The following NFE2L3 variants were observed in gnomAD, a reference collection of about 807,000 sequenced individuals.
NFE2L3 encodes the protein nuclear factor erythroid 2-related factor 3.
In NFE2L3, 18 loss-of-function variants were observed where a neutral mutation model predicts 23.5. The ratio of observed to expected loss-of-function variants is 0.77; its 90% CI spans 0.53 to 1.13. The LOEUF is 1.13. NFE2L3 is among the 50% of genes most tolerant of loss of function. The pLI is 0.00. For synonymous variants in NFE2L3, 424 were observed against 354.5 expected, an observed-to-expected ratio of 1.20 and a Z score of -2.20; for missense variants, 1,152 against 877.2, an observed-to-expected ratio of 1.31 and a Z score of -3.96.
intron 1 of NFE2L3, chr7:26,173,792 T>C (rs1784359482): frequency 6.6e-6 from 1 of 152,192 alleles, no homozygotes; most frequent in South Asian, 2.1e-4. Flanking sequence ...GAATCTGGGT[T>C]ACGAAGTGGC....
intron 1 of NFE2L3, among the ~76,000 whole-genome samples, chr7:26,176,527 G>C (rs1288201903): frequency 8.2e-6 from 1 of 121,326 alleles, no homozygotes; most frequent in Non-Finnish European, 1.7e-5. Context: ...GGGCAGAGGC[G>C]CTCCTCACAT....
At chr7:26,155,313 A>G (rs532715808) in intron 1 of NFE2L3, among the ~76,000 whole-genome samples, 2 of 152,220 alleles carry the variant, frequency 1.3e-5, no homozygotes, top group African/African-American at 2.4e-5. Context: ...GTGATTACAC[A>G]TGCCCGTAGT....
At position 26,176,433 on chromosome 7, in the gene NFE2L3, C is replaced by T. The variant is rs545218180; in HGVS notation, c.571-1510C>T. On this transcript the variant is annotated intron_variant, in intron 1 of 3. Coordinates refer to ENST00000056233, the MANE Select transcript of NFE2L3 (RefSeq NM_004289.7). ...GTCACTTCACACTTGGAAGATTGCA[C>T]AGCAGCCAGGCAGAGGCGCTCCTCA... is the stretch of plus-strand genomic sequence containing the variant. Among the ~76,000 whole-genome samples, 10 of 152,338 alleles carry T rather than the reference C, an allele frequency of 6.6e-5. 1 individual carries two copies. In the South Asian group the frequency reaches 2.1e-3, roughly 32 times the overall value.
intron 1 of NFE2L3, among the ~76,000 whole-genome samples, chr7:26,165,715 T>A (rs1784238939): frequency 6.6e-6 from 1 of 152,326 alleles, no homozygotes; most frequent in Non-Finnish European, 1.5e-5. Context: ...AGGGCATCCC[T>A]GTCTTGTGCC....
intron 1 of NFE2L3, among the ~76,000 whole-genome samples, chr7:26,153,539 G>T (rs143436717): frequency 6.6e-6 from 1 of 152,288 alleles, no homozygotes; most frequent in East Asian, 1.9e-4. Context: ...CAGCCCAATT[G>T]CTGTTCGTTT....
chr7:26,161,335 C>CTTTTTTTTT (rs914055111), intron 1 of NFE2L3, among the ~76,000 whole-genome samples: 6 of 69,576 alleles, frequency 8.6e-5, no homozygotes, highest in Admixed American at 2.1e-4. Context: ...GCTTCTCTCT[C>CTTTTTTTTT]TTTTTTTTTT....
chr7:26,183,881 T>A, intron 3 of NFE2L3, 97 bp downstream of exon 3: 2 of 788,372 alleles, frequency 2.5e-6, no homozygotes, highest in Non-Finnish European at 2.2e-6. Context: ...CACAGCAGTT[T>A]AAAGTAATGC....
chr7:26,162,057 C>T (rs1021284220), intron 1 of NFE2L3, among the ~76,000 whole-genome samples: 8 of 151,506 alleles, frequency 5.3e-5, no homozygotes, highest in Admixed American at 2.6e-4. Context: ...GCACGAGAAT[C>T]GCTTGAACCC....
chr7:26,183,685 TTGTGTTTCTCTACAGAGAC>T lies in NFE2L3; in HGVS notation c.751-15_754del. 1.3e-6 allele frequency: 2 copies of T among 1,551,914 alleles called. No individual in the cohort carries two copies. ...GTCTTTTATGTGAAAGATGCACTTT[TTGTGTTTCTCTACAGAGAC>T]ATCTGAATGGGACAGATACTTCTTT... On this transcript the variant is annotated splice_acceptor_variant and splice_polypyrimidine_tract_variant and coding_sequence_variant and intron_variant, in exon 3 of 4. Coordinates refer to ENST00000056233, the MANE Select transcript of NFE2L3 (RefSeq NM_004289.7). LOFTEE classifies it high-confidence loss of function.
Position 26,178,075 on chromosome 7 carries a change from G to A in NFE2L3, c.703G>A (p.Glu235Lys). The A allele has an allele frequency of 1.2e-6, 2 of 1,614,122 alleles. No individual in the cohort carries two copies. Among genetic ancestry groups the A allele is most frequent in the Non-Finnish European group, 8.5e-7 (1 of 1,180,012 alleles). Residue 235 changes from glutamate (E) to lysine (K), a missense_variant, in exon 2 of 4, where the codon GAG (glutamate) becomes AAG (lysine). Coordinates refer to ENST00000056233, the MANE Select transcript of NFE2L3 (RefSeq NM_004289.7). ...TGATGATGATGAAAACAAAATAGCA[G>A]AGAAACCTGACTGGGAGGCAGAAAA... The part of the protein sequence containing the change: ...QNDDDENKIA[E>K]KPDWEAEKTT...
chr7:26,168,648 A>G (rs951805178), intron 1 of NFE2L3, among the ~76,000 whole-genome samples: 1 of 151,408 alleles, frequency 6.6e-6, no homozygotes, highest in Non-Finnish European at 1.5e-5. Context: ...CTGATACCAC[A>G]TTTTTGGAAT....
intron 2 of NFE2L3, among the ~76,000 whole-genome samples, chr7:26,178,566 C>T (rs1334246006): frequency 6.6e-6 from 1 of 152,230 alleles, no homozygotes; most frequent in East Asian, 1.9e-4. Flanking sequence ...TGTTCAGTCT[C>T]CTGGCAGGCC....
chr7:26,184,023 A>G (rs1782407823), intron 3 of NFE2L3: 4 of 510,420 alleles, frequency 7.8e-6, no homozygotes, highest in South Asian at 5.7e-5. Flanking sequence ...TCAAAAAACT[A>G]AAAGAATTAT....
chr7:26,172,150 A>G (rs1046645436), intron 1 of NFE2L3, among the ~76,000 whole-genome samples: 6 of 152,264 alleles, frequency 3.9e-5, no homozygotes, highest in East Asian at 1.9e-4. Context: ...TTATATGTCT[A>G]TGCCCTTGGG....
At chr7:26,179,148 ATAAATTCTAGATAC>A (rs11272499) in intron 2 of NFE2L3, among the ~76,000 whole-genome samples, 4,657 of 152,122 alleles carry the variant, frequency 0.031, 178 homozygotes, top group East Asian at 0.1. Context: ...GGCAGGTCCC[ATAAATTCTAGATAC>A]TAATGAAAAT....
rs970931013 is a variant in NFE2L3 at position 26,152,637 on chromosome 7, C to G, written c.139C>G (p.Leu47Val). ...GCCCACCCTGCTGCAGGACGAGCTG[C>G]TGTTCCTGGGCGGCCCGGCCAGCTC... ...PPPTLLQDEL[L>V]FLGGPASSAY... is the part of the protein sequence containing the mutation. Residue 47 changes from leucine to valine, a missense_variant, in exon 1 of 4, where the codon CTG becomes GTG. By Grantham distance (32) the Leu-to-Val change is conservative (BLOSUM62 1). Transcript: ENST00000056233. This position sits in a 1 kb window ranked among gnomAD's most constrained non-coding sequence, Gnocchi z 4.4. 1 of 1,526,122 alleles carries G rather than the reference C, an allele frequency of 6.6e-7. No homozygotes were observed. Among genetic ancestry groups the G allele is most frequent in the African/African-American group, 1.4e-5 (1 of 70,234 alleles). The allele number at this position is 1,526,122 out of a possible 1,614,324, so 94.5% of individuals were successfully genotyped here.
intron 1 of NFE2L3, among the ~76,000 whole-genome samples, chr7:26,175,853 CTTTTT>C (rs70943276): frequency 6.3e-5 from 7 of 111,646 alleles, no homozygotes; most frequent in Non-Finnish European, 9.3e-5. Context: ...ATTTTCTTTT[CTTTTT>C]TTTTTTTTTT....
intron 1 of NFE2L3, among the ~76,000 whole-genome samples, chr7:26,169,229 G>C (rs918723832): frequency 6.6e-6 from 1 of 152,216 alleles, no homozygotes; most frequent in Non-Finnish European, 1.5e-5. Flanking sequence ...GTTACAAGTT[G>C]GGTTCTCTGG....
chr7:26,181,143 T>A (rs1416403185), intron 2 of NFE2L3, among the ~76,000 whole-genome samples: 1 of 152,008 alleles, frequency 6.6e-6, no homozygotes, highest in Non-Finnish European at 1.5e-5. Flanking sequence ...GCCCAGCTAA[T>A]TTTTTGTATT....
Sources: gnomAD v4.1 joint callset for allele counts (sites outside exome capture counted in the v4.1 genomes callset) on GRCh38, gnomAD v4.1.1 for gene constraint, Gnocchi (gnomAD v3.1) non-coding constraint, MANE v1.5 for transcripts, NCBI Gene and HGNC (gene_info 2026-07-23, HGNC 2026-07-21) for gene names.